The following SLC24A2 variants were observed in gnomAD, a reference collection of about 807,000 sequenced individuals.
SLC24A2 encodes solute carrier family 24 member 2, also known as sodium/potassium/calcium exchanger 2.
In SLC24A2, 36 loss-of-function variants were observed where a neutral mutation model predicts 62.0. The observed-to-expected ratio is 0.58, with a 90% CI of 0.44 to 0.77. The LOEUF (loss-of-function observed/expected upper bound fraction) is 0.77. Ranked by LOEUF, SLC24A2 falls within the 30% of genes least tolerant of loss-of-function variation. The probability of loss-of-function intolerance (pLI) is 0.00; values close to 1 mark genes in which losing one functional copy is unlikely to be tolerated. For missense variants in SLC24A2, 846 were observed against 817.9 expected (o/e 1.03, Z -0.42); for synonymous variants, 358 against 294.0 (o/e 1.22, Z -2.23).
the SLC24A2 span, among the ~76,000 whole-genome samples, chr9:20,138,420 A>G: frequency 6.6e-6 from 1 of 152,196 alleles, no homozygotes; most frequent in Admixed American, 6.5e-5. Flanking sequence ...TTACTTTTCT[A>G]GAAACTAGTT....
intron 2 of SLC24A2, among the ~76,000 whole-genome samples, chr9:19,668,277 G>A (rs1157451311): frequency 1.3e-5 from 2 of 152,112 alleles, no homozygotes; most frequent in African/African-American, 4.8e-5. Flanking sequence ...AGAACACTGA[G>A]GCTCAGAGCA....
At chr9:19,828,716 C>T in the SLC24A2 span, among the ~76,000 whole-genome samples, 1 of 152,054 alleles carries the variant, frequency 6.6e-6, no homozygotes, top group Non-Finnish European at 1.5e-5. Context: ...CAAGGAATTA[C>T]AAAAAGTGAA....
At chr9:20,027,326 T>C in the SLC24A2 span, among the ~76,000 whole-genome samples, 1 of 152,190 alleles carries the variant, frequency 6.6e-6, no homozygotes, top group African/African-American at 2.4e-5. Context: ...ATGCAATCAC[T>C]ACGTCAAAAA....
the SLC24A2 span, among the ~76,000 whole-genome samples, chr9:20,118,551 A>T: frequency 5.3e-5 from 8 of 151,704 alleles, no homozygotes; most frequent in South Asian, 1.7e-3. Flanking sequence ...GTTTTTTTTT[A>T]TTTTTTATTT....
chr9:20,075,065 A>C, the SLC24A2 span, among the ~76,000 whole-genome samples: 1 of 152,198 alleles, frequency 6.6e-6, no homozygotes, highest in South Asian at 2.1e-4. Flanking sequence ...CTAAATCCAA[A>C]TGAAATTCAG....
chr9:19,548,723 C>T (rs918572185), intron 8 of SLC24A2, among the ~76,000 whole-genome samples: 3 of 152,198 alleles, frequency 2.0e-5, no homozygotes, highest in African/African-American at 7.2e-5. Flanking sequence ...GTCCACAATG[C>T]TCTCCTCCCT....
At chr9:19,732,300 C>T in intron 2 of SLC24A2, among the ~76,000 whole-genome samples, 1 of 152,132 alleles carries the variant, frequency 6.6e-6, no homozygotes, top group East Asian at 1.9e-4. Context: ...GGATTAATTT[C>T]CACAGTCTGA....
the SLC24A2 span, among the ~76,000 whole-genome samples, chr9:20,167,987 A>T: frequency 6.6e-6 from 1 of 151,682 alleles, no homozygotes; most frequent in South Asian, 2.1e-4. Context: ...AAGCCTTGGC[A>T]CTCTTTCCTT....
intron 2 of SLC24A2, among the ~76,000 whole-genome samples, chr9:19,761,751 G>C (rs1011524036): frequency 2.0e-5 from 3 of 151,916 alleles, no homozygotes; most frequent in Admixed American, 6.6e-5. Context: ...TTGTCCTTGC[G>C]ATAGTTTGCT....
chr9:20,098,920 C>T, the SLC24A2 span, among the ~76,000 whole-genome samples: 2 of 152,184 alleles, frequency 1.3e-5, no homozygotes, highest in African/African-American at 4.8e-5. Context: ...TGATTTTAGA[C>T]CCTGCTCTCC....
intron 6 of SLC24A2, among the ~76,000 whole-genome samples, chr9:19,576,477 G>T (rs1481434267): frequency 1.3e-5 from 2 of 152,174 alleles, no homozygotes; most frequent in Admixed American, 6.5e-5. Context: ...CCAAGTGTGT[G>T]CCATAAGCAA....
At chr9:19,726,366 C>T (rs1293705176) in intron 2 of SLC24A2, among the ~76,000 whole-genome samples, 10 of 152,160 alleles carry the variant, frequency 6.6e-5, no homozygotes, top group Non-Finnish European at 1.2e-4. Context: ...TCTATATTTT[C>T]GTGTGTGCGA....
At chr9:20,017,570 G>A in the SLC24A2 span, among the ~76,000 whole-genome samples, 1 of 152,108 alleles carries the variant, frequency 6.6e-6, no homozygotes, top group Non-Finnish European at 1.5e-5. Flanking sequence ...ATAAAGTCCT[G>A]CAACAGGTAA....
In SLC24A2 at chr9:19,767,273, G is replaced by A. The variant is rs368567861; in HGVS notation, c.930+18664C>T. On this transcript the variant is annotated intron_variant, in intron 2 of 10. Transcript: ENST00000341998. The stretch of plus-strand genomic sequence containing the variant: ...GCTTAGCTAGACCACTTGGCTCCCT[G>A]GCTTCAGCCCCCTTTTCAGGGGCAT... Among the ~76,000 whole-genome samples, 42 of 152,268 alleles carry A rather than the reference G, an allele frequency of 2.8e-4. No individual in the cohort carries two copies. The South Asian group carries it at 8.1e-3, about 29-fold the overall frequency.
the SLC24A2 span, among the ~76,000 whole-genome samples, chr9:20,045,659 C>T: frequency 6.6e-6 from 1 of 152,036 alleles, no homozygotes; most frequent in Admixed American, 6.5e-5. Flanking sequence ...TCTTGAATTC[C>T]TGACCTCGTG....
the SLC24A2 span, among the ~76,000 whole-genome samples, chr9:20,278,230 A>G: frequency 6.6e-6 from 1 of 152,248 alleles, no homozygotes; most frequent in Admixed American, 6.5e-5. Flanking sequence ...AACTTAAAGT[A>G]TAATAAAAAA....
At chr9:19,810,512 C>G in the SLC24A2 span, among the ~76,000 whole-genome samples, 1 of 152,110 alleles carries the variant, frequency 6.6e-6, no homozygotes, top group African/African-American at 2.4e-5. Context: ...CTAATGGTCA[C>G]TGGAGGAAAT....
intron 7 of SLC24A2, among the ~76,000 whole-genome samples, chr9:19,553,511 C>A (rs1186151033): frequency 6.6e-6 from 1 of 152,170 alleles, no homozygotes; most frequent in Non-Finnish European, 1.5e-5. Flanking sequence ...AGCTTTAGGG[C>A]CTTGTAATCT....
the SLC24A2 span, among the ~76,000 whole-genome samples, chr9:19,898,246 T>C: frequency 6.6e-6 from 1 of 152,216 alleles, no homozygotes; most frequent in Admixed American, 6.5e-5. Flanking sequence ...TTGTGGAAGC[T>C]GCTGCCCCCA....
Sources: gnomAD v4.1 joint callset for allele counts (sites outside exome capture counted in the v4.1 genomes callset) on GRCh38, gnomAD v4.1.1 for gene constraint, MANE v1.5 for transcripts, NCBI Gene and HGNC (gene_info 2026-07-23, HGNC 2026-07-21) for gene names.